The following LRCH3 variants were observed in gnomAD, a reference collection of about 807,000 sequenced individuals.
LRCH3 encodes leucine rich repeats and calponin homology domain containing 3.
Under a neutral mutation model 104.5 loss-of-function variants are expected in LRCH3, and 68 were observed. The observed-to-expected ratio is 0.65, with a 90% confidence interval of 0.54 to 0.80. LRCH3 has a LOEUF of 0.80. Ranked by LOEUF, LRCH3 falls within the 30% of genes least tolerant of loss-of-function variation. LRCH3 has a pLI of 0.00. For missense variants in LRCH3, 951 were observed against 953.9 expected, an observed-to-expected ratio of 1.00 and a Z score of 0.04; for synonymous variants, 344 against 361.3, an observed-to-expected ratio of 0.95 and a Z score of 0.54.
chr3:197,791,266 TGTC>T lies in LRCH3; in HGVS notation c.-11_-9del. On this transcript the variant is annotated 5_prime_UTR_variant, in exon 1 of 21. Coordinates refer to ENST00000425562, the MANE Select transcript of LRCH3 (RefSeq NM_001365715.1). ...GCGCTGAGCTGGCGGGCCCGAGTGT[TGTC>T]GGCTGGGAAATGGCGGCCGCGGGCT... The T allele has an allele frequency of 6.2e-7, 1 of 1,608,366 alleles. No homozygotes were observed. Among genetic ancestry groups the T allele is most frequent in the East Asian group, 2.2e-5 (1 of 44,574 alleles).
In LRCH3 at chr3:197,810,603, C is replaced by A. The variant is rs567752904; in HGVS notation, c.263-4305C>A. ...TTTATCTGTTTTATGTATATTATCT[C>A]GGGTTTTTAGTTATAAATTAAAATT... On this transcript the variant is annotated intron_variant, in intron 1 of 20. Coordinates refer to ENST00000425562, the MANE Select transcript of LRCH3 (RefSeq NM_001365715.1). This position sits in a 1 kb window ranked among gnomAD's most constrained non-coding sequence, Gnocchi z 4.0. 2.6e-5 allele frequency among the ~76,000 whole-genome samples: 4 copies of A among 152,002 alleles called. No individual in the cohort carries two copies. The South Asian group carries it at 8.3e-4, about 32-fold the overall frequency.
intron 1 of LRCH3, among the ~76,000 whole-genome samples, chr3:197,801,238 A>G (rs1731863378): frequency 1.3e-5 from 2 of 152,352 alleles, no homozygotes; most frequent in Admixed American, 1.3e-4. Flanking sequence ...AACAAAAAAT[A>G]TAAGTGCTAA....
chr3:197,835,003 G>T (rs1258063907), intron 8 of LRCH3, among the ~76,000 whole-genome samples: 1 of 152,032 alleles, frequency 6.6e-6, no homozygotes, highest in Non-Finnish European at 1.5e-5. Context: ...AGTTAGCCGG[G>T]CGTGGTGGTG....
chr3:197,882,599 C>T, intron 20 of LRCH3: 2 of 962,314 alleles, frequency 2.1e-6, no homozygotes, highest in Non-Finnish European at 2.5e-6. Context: ...CACCAGAATT[C>T]TATATTCTGT....
At position 197,856,668 on chromosome 3, in the gene LRCH3, T is replaced by A. The variant is rs185971638; in HGVS notation, c.1645-2166T>A. Among the ~76,000 whole-genome samples, 1 of 152,294 alleles carries A rather than the reference T, an allele frequency of 6.6e-6. No homozygotes were observed. The highest frequency in any genetic ancestry group is 1.5e-5 in the Non-Finnish European group (1 of 68,012). ...TCCCAAAGTGCTGAGATTACAGGCA[T>A]GAGCCACCGTGCCCAGCTTGTTTAT... On this transcript the variant is annotated intron_variant, in intron 14 of 20. Coordinates refer to ENST00000425562, the MANE Select transcript of LRCH3 (RefSeq NM_001365715.1). The surrounding 1 kb of genome is among the most constrained non-coding windows in gnomAD (Gnocchi z 4.2).
In LRCH3 at chr3:197,879,382, C is replaced by G. The variant is rs770303590; in HGVS notation, c.2208+3607C>G. Among the ~76,000 whole-genome samples, 4 of 151,964 alleles carry G rather than the reference C, an allele frequency of 2.6e-5. No individual in the cohort carries two copies. In the East Asian group the frequency reaches 7.7e-4, roughly 29 times the overall value. ...CACCCCCTGGCCGGGCGCGGTGGCT[C>G]ACGCCTGTAATCCCAGCACTTTGGG... is the stretch of plus-strand genomic sequence containing the variant. On this transcript the variant is annotated intron_variant, in intron 20 of 20. Transcript: ENST00000425562.
intron 12 of LRCH3, chr3:197,848,229 T>A (rs1739050534): frequency 1.9e-6 from 1 of 525,508 alleles, no homozygotes; most frequent in South Asian, 2.5e-5. Context: ...AATCTGTCAT[T>A]GGACATGTCA....
rs866727827 is a variant in LRCH3, at chr3:197,825,625, G to A, written c.641-1253G>A. Among the ~76,000 whole-genome samples, 108 of 150,486 alleles carry A rather than the reference G, an allele frequency of 7.2e-4. 1 individual carries two copies. The highest frequency in any genetic ancestry group is 3.9e-3 in the East Asian group (20 of 5,128). ...CTCCCGAGTAGCTGGGACTACAGGCGCCCGCCACCACGCCCAGCTAATTTT... is the reference window on the plus strand; with the variant it reads ...CTCCCGAGTAGCTGGGACTACAGGCACCCGCCACCACGCCCAGCTAATTTT... On this transcript the variant is annotated intron_variant, in intron 4 of 20. Transcript: ENST00000425562.
At chr3:197,832,566 CA>C (rs1736101731) in intron 8 of LRCH3, among the ~76,000 whole-genome samples, 2 of 152,130 alleles carry the variant, frequency 1.3e-5, no homozygotes, top group Admixed American at 1.3e-4. Context: ...TTATTAGAGA[CA>C]GTACACCTGG....
intron 3 of LRCH3, among the ~76,000 whole-genome samples, chr3:197,819,081 A>C (rs1382920287): frequency 2.0e-5 from 3 of 150,442 alleles, no homozygotes; most frequent in Non-Finnish European, 3.0e-5. Context: ...AGCCGAGATC[A>C]CACCACTGCA....
intron 17 of LRCH3, among the ~76,000 whole-genome samples, chr3:197,866,989 A>G (rs1459660898): frequency 3.3e-5 from 5 of 152,150 alleles, no homozygotes; most frequent in African/African-American, 1.2e-4. Context: ...AAAATACAAA[A>G]AATGGCTGGG....
intron 10 of LRCH3, among the ~76,000 whole-genome samples, chr3:197,844,229 G>C (rs1245327231): frequency 6.6e-6 from 1 of 152,116 alleles, no homozygotes; most frequent in African/African-American, 2.4e-5. Flanking sequence ...TTCTATTTCA[G>C]GTACCTACAA....
intron 6 of LRCH3, chr3:197,830,550 T>G: frequency 7.0e-6 from 3 of 429,798 alleles, no homozygotes; most frequent in Non-Finnish European, 1.3e-5. Flanking sequence ...AGAGGTGTGA[T>G]TGTTTTGAAG....
intron 9 of LRCH3, among the ~76,000 whole-genome samples, chr3:197,837,769 G>A (rs1481041841): frequency 3.3e-5 from 5 of 151,954 alleles, no homozygotes; most frequent in Admixed American, 6.6e-5. Flanking sequence ...GGATGGGGCT[G>A]GACATGGTGG....
intron 2 of LRCH3, among the ~76,000 whole-genome samples, chr3:197,815,981 A>G (rs1207884274): frequency 1.3e-5 from 2 of 152,094 alleles, no homozygotes; most frequent in African/African-American, 4.8e-5. Flanking sequence ...GTATGTAATT[A>G]TTTTGTTGTA....
intron 20 of LRCH3, among the ~76,000 whole-genome samples, chr3:197,878,549 A>G (rs1713171165): frequency 6.6e-6 from 1 of 152,134 alleles, no homozygotes; most frequent in Non-Finnish European, 1.5e-5. Flanking sequence ...GTCACCAGAA[A>G]GAGGAAATGG....
rs1156410441 is a variant in LRCH3 at position 197,810,709 on chromosome 3, A to AT, written c.263-4193dup. On this transcript the variant is annotated intron_variant, in intron 1 of 20. Transcript: ENST00000425562. This position sits in a 1 kb window ranked among gnomAD's most constrained non-coding sequence, Gnocchi z 4.0. ...TTTCTACTTTGAGTATACACATTTAATTTTTTAAATTATTGTGGAGAAAAA... is the reference window on the plus strand; with the variant it reads ...TTTCTACTTTGAGTATACACATTTAATTTTTTTAAATTATTGTGGAGAAAAA... 6.6e-6 allele frequency among the ~76,000 whole-genome samples: 1 copy of AT among 152,082 alleles called. No homozygotes were observed. The highest frequency in any genetic ancestry group is 1.5e-5 in the Non-Finnish European group (1 of 68,016).
chr3:197,835,950 G>C, intron 9 of LRCH3, 128 bp downstream of exon 9: 1 of 1,024,986 alleles, frequency 9.8e-7, no homozygotes, highest in Non-Finnish European at 1.4e-6. Flanking sequence ...GTTCACTTCT[G>C]ATTTCAGTCC....
rs1560511271 is a variant in LRCH3 at position 197,792,597 on chromosome 3, AT to A, written c.262+1058del. 6.3e-5 allele frequency among the ~76,000 whole-genome samples: 5 copies of A among 79,184 alleles called. 1 individual carries two copies. Among genetic ancestry groups the A allele is most frequent in the African/African-American group, 2.0e-4 (5 of 24,736 alleles). 51.9% of individuals were successfully genotyped at this position (79,184 alleles called of 152,430 possible). A position where few individuals can be genotyped will look rare whatever the true frequency, so the allele number is the denominator to read the frequency against. On this transcript the variant is annotated intron_variant, in intron 1 of 20. Transcript: ENST00000425562. The stretch of plus-strand genomic sequence containing the variant: ...TAATTTTATATATATATATATATAT[AT>A]ATATATAAAATATACATATATATAT...
Sources: gnomAD v4.1 joint callset for allele counts (sites outside exome capture counted in the v4.1 genomes callset) on GRCh38, gnomAD v4.1.1 for gene constraint, Gnocchi (gnomAD v3.1) non-coding constraint, MANE v1.5 for transcripts, NCBI Gene and HGNC (gene_info 2026-07-23, HGNC 2026-07-21) for gene names.